TENM3: variants seen among roughly 807,000 people sequenced by gnomAD.
The protein encoded by TENM3 is teneurin-3.
In TENM3, 63 loss-of-function variants were observed where a neutral mutation model predicts 255.1. That is an observed-to-expected ratio of 0.25 (90% confidence interval 0.20 to 0.30). TENM3 has a LOEUF of 0.30. TENM3 is among the 10% of genes least tolerant of loss of function. TENM3 has a pLI of 1.00. For missense variants in TENM3, 2,929 were observed against 3,461.1 expected (o/e 0.85, Z 3.86); for synonymous variants, 1,306 against 1,322.3 (o/e 0.99, Z 0.27).
intron 1 of TENM3, among the ~76,000 whole-genome samples, chr4:182,215,839 G>C (rs191486178): frequency 6.6e-6 from 1 of 152,098 alleles, no homozygotes; most frequent in East Asian, 1.9e-4. Flanking sequence ...CTGATGTCTC[G>C]ATACCTTTCT....
At chr4:181,556,225 C>A in the TENM3 span, among the ~76,000 whole-genome samples, 1 of 152,042 alleles carries the variant, frequency 6.6e-6, no homozygotes, top group Non-Finnish European at 1.5e-5. Flanking sequence ...AGAACTTCCA[C>A]GACTTTTGTC....
At chr4:182,670,766 AG>A (rs1755131620) in intron 6 of TENM3, among the ~76,000 whole-genome samples, 1 of 152,154 alleles carries the variant, frequency 6.6e-6, no homozygotes, top group African/African-American at 2.4e-5. Context: ...CTGTGATTGC[AG>A]GTCATGTTCC....
At chr4:182,643,863 GT>G (rs1331225152) in intron 5 of TENM3, among the ~76,000 whole-genome samples, 1 of 152,186 alleles carries the variant, frequency 6.6e-6, no homozygotes, top group Non-Finnish European at 1.5e-5. Context: ...AAGTTTTGAG[GT>G]TTGGGAGACT....
intron 4 of TENM3, among the ~76,000 whole-genome samples, chr4:182,621,627 A>T (rs1428473452): frequency 4.1e-5 from 2 of 48,668 alleles, no homozygotes; most frequent in African/African-American, 7.1e-5. Flanking sequence ...ATATATATAA[A>T]ATATATAATA....
intron 1 of TENM3, among the ~76,000 whole-genome samples, chr4:182,271,210 C>G (rs1579971365): frequency 6.6e-6 from 1 of 152,134 alleles, no homozygotes; most frequent in South Asian, 2.1e-4. Flanking sequence ...TTGTAACCAG[C>G]TAGTTATCGC....
chr4:181,513,269 T>C, the TENM3 span, among the ~76,000 whole-genome samples: 1 of 152,102 alleles, frequency 6.6e-6, no homozygotes, highest in Middle Eastern at 3.4e-3. Context: ...AAAAAAAAAA[T>C]CAAAGCAATA....
chr4:181,957,025 T>C, the TENM3 span, among the ~76,000 whole-genome samples: 1 of 152,210 alleles, frequency 6.6e-6, no homozygotes, highest in Non-Finnish European at 1.5e-5. Context: ...AATAATGGTA[T>C]CTGGAAAGTG....
At chr4:181,910,761 G>T in the TENM3 span, among the ~76,000 whole-genome samples, 1 of 151,582 alleles carries the variant, frequency 6.6e-6, no homozygotes, top group Non-Finnish European at 1.5e-5. Flanking sequence ...CCAAGTGTGA[G>T]CCACTGTGCC....
intron 1 of TENM3, among the ~76,000 whole-genome samples, chr4:182,152,743 GT>G (rs1341515977): frequency 1.3e-5 from 2 of 151,578 alleles, no homozygotes; most frequent in Non-Finnish European, 1.5e-5. Context: ...AAAATTTAAA[GT>G]TTTTTATCCT....
At chr4:181,973,633 T>G in the TENM3 span, among the ~76,000 whole-genome samples, 1 of 152,156 alleles carries the variant, frequency 6.6e-6, no homozygotes, top group Non-Finnish European at 1.5e-5. Flanking sequence ...CAGTAATGCA[T>G]GCCTGTAATC....
At chr4:182,291,532 G>A (rs563486619) in intron 1 of TENM3, among the ~76,000 whole-genome samples, 4 of 152,218 alleles carry the variant, frequency 2.6e-5, no homozygotes, top group East Asian at 1.9e-4. Flanking sequence ...CCTGTACCTC[G>A]TCACATCAGT....
chr4:182,722,298 T>C (rs1392104108), intron 13 of TENM3, among the ~76,000 whole-genome samples: 2 of 151,700 alleles, frequency 1.3e-5, no homozygotes, highest in Non-Finnish European at 2.9e-5. Context: ...GAAAGCATGA[T>C]AGAAAAAAAG....
chr4:182,243,378 G>A (rs1207191329), upstream of TENM3: 2 of 152,442 alleles, frequency 1.3e-5, no homozygotes, highest in African/African-American at 2.4e-5. Flanking sequence ...GCCTCTCAAA[G>A]TGCTGTGATT....
chr4:181,714,982 A>T, the TENM3 span, among the ~76,000 whole-genome samples: 1 of 152,190 alleles, frequency 6.6e-6, no homozygotes, highest in Non-Finnish European at 1.5e-5. Context: ...GTTTTACAGC[A>T]CTTTGAAAAA....
intron 11 of TENM3, among the ~76,000 whole-genome samples, chr4:182,683,880 G>A (rs947394864): frequency 6.6e-6 from 1 of 151,814 alleles, no homozygotes; most frequent in Non-Finnish European, 1.5e-5. Flanking sequence ...ATAAATCTGA[G>A]GGACATTTGA....
chr4:182,552,826 T>C (rs1363285855), intron 3 of TENM3, among the ~76,000 whole-genome samples: 1 of 152,148 alleles, frequency 6.6e-6, no homozygotes. Flanking sequence ...GTCCTGACAT[T>C]TTTAAAGGGT....
chr4:182,298,984 C>CAAAAAAAAAAAAAAAAAAAAAAAAAAAAA (rs11283401), intron 1 of TENM3, among the ~76,000 whole-genome samples: 7 of 25,562 alleles, frequency 2.7e-4, no homozygotes, highest in African/African-American at 2.6e-4. Flanking sequence ...GACTCCTTCT[C>CAAAAAAAAAAAAAAAAAAAAAAAAAAAAA]AAAAAAAAAA....
At chr4:181,870,817 T>G in the TENM3 span, among the ~76,000 whole-genome samples, 1 of 152,128 alleles carries the variant, frequency 6.6e-6, no homozygotes, top group Non-Finnish European at 1.5e-5. Context: ...TTGATGACAT[T>G]GATCAATATT....
the TENM3 span, among the ~76,000 whole-genome samples, chr4:181,821,905 A>C: frequency 6.6e-6 from 1 of 152,214 alleles, no homozygotes; most frequent in African/African-American, 2.4e-5. Flanking sequence ...AGGCAACAAT[A>C]GATCACGTTT....
Sources: allele counts gnomAD v4.1 joint callset (sites outside exome capture counted in the v4.1 genomes callset), GRCh38; gene constraint gnomAD v4.1.1; transcripts MANE v1.5; gene names NCBI Gene and HGNC (gene_info 2026-07-23, HGNC 2026-07-21).